C8orf34: variants seen among roughly 807,000 people sequenced by gnomAD.
C8orf34 encodes the protein chromosome 8 open reading frame 34, also known as uncharacterized protein C8orf34.
A neutral mutation model predicts 68.3 loss-of-function variants in C8orf34; 65 were observed. That is an observed-to-expected ratio of 0.95 (90% CI 0.78 to 1.17). The LOEUF (loss-of-function observed/expected upper bound fraction) is 1.17. Ranked by LOEUF, C8orf34 falls within the 50% of genes most tolerant of loss-of-function variation. The pLI is 0.00. For missense variants in C8orf34, 664 were observed against 655.4 expected, an observed-to-expected ratio of 1.01 and a Z score of -0.14; for synonymous variants, 244 against 241.2, an observed-to-expected ratio of 1.01 and a Z score of -0.11.
chr8:68,557,772 T>A (rs1377182176), intron 7 of C8orf34, among the ~76,000 whole-genome samples: 1 of 152,210 alleles, frequency 6.6e-6, no homozygotes, highest in Non-Finnish European at 1.5e-5. Context: ...CTGTGGTTTC[T>A]ACTTAACATT....
At position 68,708,975 on chromosome 8, in the gene C8orf34, A is replaced by G; in HGVS notation, c.1242-19A>G. 1 of 1,554,864 alleles carries G rather than the reference A, an allele frequency of 6.4e-7. No homozygotes were observed. On this transcript the variant is annotated intron_variant, in intron 8 of 13. Coordinates refer to ENST00000518698, the MANE Select transcript of C8orf34 (RefSeq NM_052958.4). ...TTTAACATTATGAGATGTTTCAATG[A>G]TCATTTTTAATTATTTAGGCTTCAA... is the stretch of plus-strand genomic sequence containing the variant.
In C8orf34 at chr8:68,480,630, C is replaced by T. The variant is rs186558077; in HGVS notation, c.737-7393C>T. ...GTGATATGAACAATAAGGTCCAGAC[C>T]GAGGTGATCTCAGATGGAGATGAGG... On this transcript the variant is annotated intron_variant, in intron 4 of 13. Coordinates refer to ENST00000518698, the MANE Select transcript of C8orf34 (RefSeq NM_052958.4). Among the ~76,000 whole-genome samples the T allele has an allele frequency of 2.1e-3, 320 of 152,192 alleles. 1 individual carries two copies. Among genetic ancestry groups the T allele is most frequent in the African/African-American group, 6.8e-3 (284 of 41,528 alleles).
chr8:68,767,661 G>A (rs1276201146), intron 10 of C8orf34, among the ~76,000 whole-genome samples: 4 of 152,110 alleles, frequency 2.6e-5, no homozygotes, highest in Non-Finnish European at 5.9e-5. Flanking sequence ...ATAGAAATGG[G>A]ATCTCACTGT....
At chr8:68,637,115 C>A (rs1398617989) in intron 7 of C8orf34, among the ~76,000 whole-genome samples, 2 of 152,142 alleles carry the variant, frequency 1.3e-5, no homozygotes, top group Admixed American at 6.5e-5. Context: ...ACATATACCA[C>A]CATGACTAGT....
intron 1 of C8orf34, among the ~76,000 whole-genome samples, chr8:68,359,258 A>G (rs1806881726): frequency 6.6e-6 from 1 of 152,132 alleles, no homozygotes; most frequent in African/African-American, 2.4e-5. Context: ...TTTTTATGTA[A>G]CGTACTGTAT....
Position 68,355,686 on chromosome 8 carries a change from TG to T in C8orf34, c.327+24349del, listed in dbSNP as rs749998690. The stretch of plus-strand genomic sequence containing the variant: ...GTATCTATAGAAAAGATCTTGGTGA[TG>T]GTGTAAAAGAGAGCAGTACTGGGCA... On this transcript the variant is annotated intron_variant, in intron 1 of 13. Coordinates refer to ENST00000518698, the MANE Select transcript of C8orf34 (RefSeq NM_052958.4). 4.7e-4 allele frequency among the ~76,000 whole-genome samples: 72 copies of T among 152,216 alleles called. 1 individual carries two copies. The highest frequency in any genetic ancestry group is 6.8e-3 in the Middle Eastern group (2 of 294).
chr8:68,416,624 C>A (rs749475821), intron 1 of C8orf34, among the ~76,000 whole-genome samples: 1 of 151,860 alleles, frequency 6.6e-6, no homozygotes, highest in Non-Finnish European at 1.5e-5. Context: ...CTCCTCCTAC[C>A]AGGTTTGAGT....
chr8:68,805,719 A>G (rs1466580498), intron 12 of C8orf34, among the ~76,000 whole-genome samples: 2 of 152,148 alleles, frequency 1.3e-5, no homozygotes, highest in Non-Finnish European at 2.9e-5. Context: ...GTAATCACAT[A>G]TATCAGACAA....
intron 10 of C8orf34, among the ~76,000 whole-genome samples, chr8:68,759,996 G>A (rs565414837): frequency 1.2e-4 from 18 of 152,302 alleles, no homozygotes; most frequent in Non-Finnish European, 2.2e-4. Context: ...GTGAGAGTAC[G>A]GAAGTGCTGT....
chr8:68,449,916 A>G (rs1234434766), intron 3 of C8orf34, among the ~76,000 whole-genome samples: 1 of 152,118 alleles, frequency 6.6e-6, no homozygotes, highest in Non-Finnish European at 1.5e-5. Context: ...AGTTATTCAT[A>G]ATATGTGATG....
intron 8 of C8orf34, among the ~76,000 whole-genome samples, chr8:68,705,117 G>C (rs541342203): frequency 6.6e-6 from 1 of 152,294 alleles, no homozygotes; most frequent in Non-Finnish European, 1.5e-5. Context: ...GAGTGATTCG[G>C]AAGATGAGTT....
rs748319277 is a variant in C8orf34, at chr8:68,709,092, T to C, written c.1327+13T>C. 1.0e-5 allele frequency: 16 copies of C among 1,592,384 alleles called. No individual in the cohort carries two copies. In the South Asian group the frequency reaches 1.8e-4, roughly 18 times the overall value. ...CCAGATTCATTCGGTAAGTTTTAAG[T>C]CCAACAATATTTATTGCAGTTCTAG... On this transcript the variant is annotated intron_variant, in intron 9 of 13. Transcript: ENST00000518698.
intron 5 of C8orf34, among the ~76,000 whole-genome samples, chr8:68,489,093 A>G (rs1487610882): frequency 1.3e-5 from 2 of 152,146 alleles, no homozygotes; most frequent in Non-Finnish European, 2.9e-5. Context: ...AGAAATTTGC[A>G]TTGTTTACAT....
At chr8:68,596,100 C>A (rs542926505) in intron 7 of C8orf34, among the ~76,000 whole-genome samples, 1 of 151,932 alleles carries the variant, frequency 6.6e-6, no homozygotes, top group Non-Finnish European at 1.5e-5. Context: ...GTACTTTTGC[C>A]CCTCGAGTGC....
At chr8:68,504,021 C>A (rs1167821686) in intron 5 of C8orf34, among the ~76,000 whole-genome samples, 1 of 152,158 alleles carries the variant, frequency 6.6e-6, no homozygotes, top group Admixed American at 6.5e-5. Flanking sequence ...ATCACCACAA[C>A]CTAAATTTAG....
At chr8:68,740,409 A>T (rs72668503) in intron 10 of C8orf34, among the ~76,000 whole-genome samples, 26,357 of 152,094 alleles carry the variant, frequency 0.17, 2,483 homozygotes, top group Middle Eastern at 0.29. Flanking sequence ...TACAAGAAAA[A>T]AAACCATTAT....
chr8:68,794,548 A>C lies in C8orf34; in HGVS notation c.1549+7012A>C, dbSNP rs1322956239. Among the ~76,000 whole-genome samples the C allele has an allele frequency of 2.3e-5, 3 of 130,670 alleles. No individual in the cohort carries two copies. In the Admixed American group the frequency reaches 2.4e-4, roughly 10 times the overall value. The allele number at this position is 130,670 out of a possible 152,430, so 85.7% of individuals were successfully genotyped here. ...TAGACAGGCTCTTGCTCTGTCACCC[A>C]GGCTGGACTGCAGTGGCACAATCAT... On this transcript the variant is annotated intron_variant, in intron 12 of 13. Coordinates refer to ENST00000518698, the MANE Select transcript of C8orf34 (RefSeq NM_052958.4).
chr8:68,480,367 C>G (rs943421555), intron 4 of C8orf34, among the ~76,000 whole-genome samples: 10 of 152,124 alleles, frequency 6.6e-5, no homozygotes, highest in African/African-American at 2.2e-4. Flanking sequence ...CCAATTAAAC[C>G]TCTTTTTGTT....
chr8:68,350,658 T>C (rs1254707365), intron 1 of C8orf34, among the ~76,000 whole-genome samples: 2 of 152,066 alleles, frequency 1.3e-5, no homozygotes, highest in African/African-American at 4.8e-5. Flanking sequence ...GGTTTTCTTG[T>C]TGAATTGAAC....
Sources: gnomAD v4.1 joint callset for allele counts (sites outside exome capture counted in the v4.1 genomes callset) on GRCh38, gnomAD v4.1.1 for gene constraint, MANE v1.5 for transcripts, NCBI Gene and HGNC (gene_info 2026-07-23, HGNC 2026-07-21) for gene names.